PTPRD: variants seen among roughly 807,000 people sequenced by gnomAD.
The protein encoded by PTPRD is receptor-type tyrosine-protein phosphatase delta.
PTPRD carries 34 observed loss-of-function variants against 214.5 expected under a neutral mutation model. The observed-to-expected ratio is 0.16, with a 90% CI of 0.12 to 0.21. The LOEUF is 0.21. Among genes scored for constraint, PTPRD ranks in the 10% least tolerant of loss-of-function variants. PTPRD has a pLI of 1.00. For synonymous variants in PTPRD, 1,128 were observed against 845.7 expected (o/e 1.33, Z -5.79); for missense variants, 2,545 against 2,398.7 (o/e 1.06, Z -1.27).
chr9:10,066,045 T>G (rs1273240561), intron 3 of PTPRD, among the ~76,000 whole-genome samples: 1 of 151,968 alleles, frequency 6.6e-6, no homozygotes, highest in Admixed American at 6.6e-5. Flanking sequence ...TCTAGCAAAA[T>G]GCCATTTCAC....
chr9:8,811,932 C>G (rs1004407204), intron 11 of PTPRD, among the ~76,000 whole-genome samples: 4 of 151,998 alleles, frequency 2.6e-5, no homozygotes, highest in Non-Finnish European at 5.9e-5. Flanking sequence ...GCTTGTGAGG[C>G]CTGAGTGAAG....
chr9:9,436,398 A>G (rs2085268824), intron 8 of PTPRD, among the ~76,000 whole-genome samples: 1 of 152,088 alleles, frequency 6.6e-6, no homozygotes, highest in Non-Finnish European at 1.5e-5. Context: ...AGACTAAGAC[A>G]CTGGATATAT....
At chr9:9,215,408 C>A (rs930371604) in intron 9 of PTPRD, among the ~76,000 whole-genome samples, 1 of 152,062 alleles carries the variant, frequency 6.6e-6, no homozygotes, top group Non-Finnish European at 1.5e-5. Context: ...AAATACCCTG[C>A]CTACCACACA....
chr9:10,113,237 T>G (rs1002070149), intron 3 of PTPRD, among the ~76,000 whole-genome samples: 3 of 152,198 alleles, frequency 2.0e-5, no homozygotes, highest in Non-Finnish European at 4.4e-5. Context: ...CATAAAAAAT[T>G]TATTTGTTCT....
intron 10 of PTPRD, among the ~76,000 whole-genome samples, chr9:9,125,174 C>T (rs1342682707): frequency 6.6e-6 from 1 of 152,150 alleles, no homozygotes; most frequent in Non-Finnish European, 1.5e-5. Flanking sequence ...CTATCCTTAG[C>T]AGAACTGGCT....
At chr9:8,580,170 G>T (rs1249021963) in intron 14 of PTPRD, among the ~76,000 whole-genome samples, 1 of 152,156 alleles carries the variant, frequency 6.6e-6, no homozygotes, top group African/African-American at 2.4e-5. Context: ...GTTATCAGTA[G>T]CAGTAGACAT....
At position 8,925,721 on chromosome 9, in the gene PTPRD, G is replaced by A. The variant is rs922430423; in HGVS notation, c.-104+92976C>T. Among the ~76,000 whole-genome samples, 3 of 151,414 alleles carry A rather than the reference G, an allele frequency of 2.0e-5. No individual in the cohort carries two copies. The East Asian group carries it at 5.8e-4, about 29-fold the overall frequency. ...CCTTTACGCCACACCTCTAGGCACC[G>A]AGTACTGTTCTGTTCAGCTATAAAC... On this transcript the variant is annotated intron_variant, in intron 11 of 45. Transcript: ENST00000381196.
In PTPRD at chr9:10,277,609, G is replaced by A. The variant is rs76973096; in HGVS notation, c.-545+63354C>T. 1.6e-3 allele frequency among the ~76,000 whole-genome samples: 243 copies of A among 152,302 alleles called. 4 individuals carry two copies. In the East Asian group the frequency reaches 0.039, roughly 25 times the overall value. ...ATAAATACTGGCTAATGTCATGATT[G>A]TATTCGAGGGTTAACTTTCCTGATT... On this transcript the variant is annotated intron_variant, in intron 3 of 45. Transcript: ENST00000381196.
chr9:8,355,531 TAG>T (rs2076756507), intron 39 of PTPRD, among the ~76,000 whole-genome samples: 1 of 152,202 alleles, frequency 6.6e-6, no homozygotes, highest in Non-Finnish European at 1.5e-5. Context: ...AGGATGACAG[TAG>T]AGAGGACAGG....
At chr9:8,468,592 T>G (rs2096590029) in intron 31 of PTPRD, among the ~76,000 whole-genome samples, 1 of 151,890 alleles carries the variant, frequency 6.6e-6, no homozygotes, top group South Asian at 2.1e-4. Context: ...TCTTTCAATT[T>G]CTTATGGGCC....
At chr9:8,796,690 A>G (rs13290166) in intron 11 of PTPRD, among the ~76,000 whole-genome samples, 1 of 152,130 alleles carries the variant, frequency 6.6e-6, no homozygotes, top group Non-Finnish European at 1.5e-5. Flanking sequence ...TTTCTATTTT[A>G]TTCACATAAT....
intron 3 of PTPRD, among the ~76,000 whole-genome samples, chr9:10,063,289 C>G (rs956902576): frequency 7.2e-5 from 11 of 151,950 alleles, no homozygotes; most frequent in Admixed American, 6.6e-5. Context: ...TCTGTCAATA[C>G]CAGAGAAAAT....
At chr9:8,799,938 C>A (rs1384410643) in intron 11 of PTPRD, among the ~76,000 whole-genome samples, 5 of 151,810 alleles carry the variant, frequency 3.3e-5, no homozygotes, top group African/African-American at 1.2e-4. Context: ...TGTTTTCAGG[C>A]AAATACCAGT....
chr9:8,722,123 C>CTGTGTGTGTGTGTGTGTG (rs34720946), intron 12 of PTPRD, among the ~76,000 whole-genome samples: 264 of 147,470 alleles, frequency 1.8e-3, no homozygotes, highest in Middle Eastern at 0.017. Flanking sequence ...AAGTATTACT[C>CTGTGTGTGTGTGTGTGTG]TGTGTGTGTG....
chr9:9,192,157 T>A (rs2099935630), intron 9 of PTPRD, among the ~76,000 whole-genome samples: 1 of 151,946 alleles, frequency 6.6e-6, no homozygotes, highest in Admixed American at 6.6e-5. Flanking sequence ...TTGTTCAATA[T>A]CAGGAATCTA....
chr9:10,310,902 A>C (rs2096250029), intron 3 of PTPRD, among the ~76,000 whole-genome samples: 1 of 152,064 alleles, frequency 6.6e-6, no homozygotes, highest in Admixed American at 6.6e-5. Flanking sequence ...AAGAACTTTG[A>C]GAACAAGCTG....
intron 11 of PTPRD, among the ~76,000 whole-genome samples, chr9:8,872,780 A>G (rs199697188): frequency 1.3e-5 from 2 of 152,362 alleles, no homozygotes; most frequent in East Asian, 3.9e-4. Flanking sequence ...CAAATTTTTC[A>G]GTACAGGAGG....
At chr9:9,341,850 C>A (rs1294258179) in intron 9 of PTPRD, among the ~76,000 whole-genome samples, 2 of 151,916 alleles carry the variant, frequency 1.3e-5, no homozygotes, top group African/African-American at 4.8e-5. Flanking sequence ...CTCTTGTCAC[C>A]CAGGCTGGAG....
intron 11 of PTPRD, among the ~76,000 whole-genome samples, chr9:8,968,797 T>G (rs1017946283): frequency 6.6e-6 from 1 of 152,046 alleles, no homozygotes; most frequent in African/African-American, 2.4e-5. Flanking sequence ...GACATAGATA[T>G]GAGAAAGTAC....
Sources: gnomAD v4.1 joint callset for allele counts (sites outside exome capture counted in the v4.1 genomes callset) on GRCh38, gnomAD v4.1.1 for gene constraint, MANE v1.5 for transcripts, NCBI Gene and HGNC (gene_info 2026-07-23, HGNC 2026-07-21) for gene names.